The following SDR42E2 variants were observed in gnomAD, a reference collection of about 807,000 sequenced individuals.
SDR42E2 encodes the protein putative short-chain dehydrogenase/reductase family 42E member 2.
A neutral mutation model predicts 10.5 loss-of-function variants in SDR42E2; 20 were observed. The ratio of observed to expected loss-of-function variants is 1.90; its 90% CI spans 1.34 to 2.77. The LOEUF is 2.77. Ranked by LOEUF, SDR42E2 falls within the 30% of genes most tolerant of loss-of-function variation. The probability of loss-of-function intolerance (pLI) is 0.00; values close to 1 mark genes in which losing one functional copy is unlikely to be tolerated. For missense variants in SDR42E2, 162 were observed against 104.2 expected (o/e 1.55, Z -2.42); for synonymous variants, 72 against 39.2 (o/e 1.84, Z -3.12).
At chr16:22,176,519 T>C (rs1376393885) in intron 7 of SDR42E2, among the ~76,000 whole-genome samples, 3 of 152,190 alleles carry the variant, frequency 2.0e-5, no homozygotes, top group Admixed American at 6.5e-5. Flanking sequence ...GCAATAAAAA[T>C]AAAAGAAAAA....
intron 7 of SDR42E2, among the ~76,000 whole-genome samples, chr16:22,174,617 C>T (rs191179007): frequency 4.7e-4 from 68 of 144,524 alleles, no homozygotes; most frequent in Non-Finnish European, 7.0e-4. Context: ...GTAGAAATAT[C>T]CAGCTGTTCT....
intron 4 of SDR42E2, among the ~76,000 whole-genome samples, chr16:22,168,696 A>G (rs2046567318): frequency 6.6e-6 from 1 of 151,826 alleles, no homozygotes; most frequent in Non-Finnish European, 1.5e-5. Flanking sequence ...AACATGATGA[A>G]ACCCCATCTC....
chr16:22,170,165 A>G (rs1241768233), intron 5 of SDR42E2, among the ~76,000 whole-genome samples: 1 of 151,826 alleles, frequency 6.6e-6, no homozygotes, highest in African/African-American at 2.4e-5. Context: ...GGCTAGACTG[A>G]CCAACACGAA....
intron 8 of SDR42E2, among the ~76,000 whole-genome samples, chr16:22,180,138 G>T (rs2046680584): frequency 6.6e-6 from 1 of 152,150 alleles, no homozygotes; most frequent in South Asian, 2.1e-4. Context: ...AGATCAGGAA[G>T]GGTTTGACAG....
At chr16:22,174,761 C>T (rs1406040001) in intron 7 of SDR42E2, among the ~76,000 whole-genome samples, 2 of 152,124 alleles carry the variant, frequency 1.3e-5, no homozygotes, top group African/African-American at 2.4e-5. Context: ...CTGCAGCTTT[C>T]CATGGTCAGG....
intron 4 of SDR42E2, among the ~76,000 whole-genome samples, 187 bp downstream of exon 4, chr16:22,167,186 T>G (rs1256066434): frequency 4.1e-4 from 53 of 128,016 alleles, no homozygotes; most frequent in South Asian, 8.4e-4. Context: ...TTTTTTTTTT[T>G]TTTTTTTTTT....
rs764049116 is a variant in SDR42E2, at chr16:22,178,154, T to C, written c.614T>C (p.Val205Ala). The stretch of plus-strand genomic sequence containing the variant: ...GGAGGAGGCACTCTTCGGACGTGTG[T>C]GCTCCGGCCTCCAGGGATCTACGGC... Reference protein sequence around the residue: ...LPGGGTLRTCVLRPPGIYGPE... With the variant: ...LPGGGTLRTCALRPPGIYGPE... The change falls in exon 8 of 13, where the codon GTG becomes GCG. Residue 205 changes from valine (V) to alanine (A), a missense_variant. Coordinates refer to ENST00000602312, the MANE Select transcript of SDR42E2 (RefSeq NM_001394319.2). 5.7e-6 allele frequency: 4 copies of C among 702,766 alleles called. No homozygotes were observed. Among genetic ancestry groups the C allele is most frequent in the Non-Finnish European group, 1.0e-5 (4 of 384,960 alleles). The allele number at this position is 702,766 out of a possible 1,614,324, so 43.5% of individuals were successfully genotyped here.
chr16:22,169,356 C>A lies in SDR42E2; in HGVS notation c.337-89C>A, dbSNP rs1435272625. The A allele has an allele frequency of 7.2e-6, 5 of 698,894 alleles. No individual in the cohort carries two copies. The East Asian group carries it at 1.3e-4, about 19-fold the overall frequency. 43.3% of individuals were successfully genotyped at this position (698,894 alleles called of 1,614,324 possible). On this transcript the variant is annotated intron_variant, in intron 4 of 12. Transcript: ENST00000602312. ...CCTCTGAACTGAACATCCTGCTGCC[C>A]TGTCCCACCTGACCCCAAGCTCAGC...
In SDR42E2 at chr16:22,191,266, C is replaced by T. The variant is rs1421593499; in HGVS notation, c.*873C>T. ...CGCGCTTGAGCCCACCCTTTGGCTT[C>T]TCCTTTTGGGTCTGTCCTTGCTCCT... On this transcript the variant is annotated 3_prime_UTR_variant, in exon 13 of 13. Transcript: ENST00000602312. The T allele has an allele frequency of 1.3e-5, 2 of 152,224 alleles. No individual in the cohort carries two copies. The highest frequency in any genetic ancestry group is 6.6e-5 in the Admixed American group (1 of 15,190). The allele number at this position is 152,224 out of a possible 1,614,324, so 9.4% of individuals were successfully genotyped here.
Position 22,190,544 on chromosome 16 carries a change from T to C in SDR42E2, c.*151T>C. ...AATCCTGGTCACGCCCCCGAGCCGC[T>C]CTCCAGACCTAGCCCGGACCGCCGA... On this transcript the variant is annotated 3_prime_UTR_variant, in exon 13 of 13. Transcript: ENST00000602312. The C allele has an allele frequency of 5.0e-6, 2 of 396,150 alleles. No individual in the cohort carries two copies. The highest frequency in any genetic ancestry group is 8.9e-6 in the Non-Finnish European group (2 of 225,676). 24.5% of individuals were successfully genotyped at this position (396,150 alleles called of 1,614,324 possible).
rs550906269 is a variant in SDR42E2 at position 22,173,859 on chromosome 16, A to G, written c.589+1528A>G. Among the ~76,000 whole-genome samples, 21 of 146,558 alleles carry G rather than the reference A, an allele frequency of 1.4e-4. No individual in the cohort carries two copies. The South Asian group carries it at 4.2e-3, about 29-fold the overall frequency. On this transcript the variant is annotated intron_variant, in intron 7 of 12. Coordinates refer to ENST00000602312, the MANE Select transcript of SDR42E2 (RefSeq NM_001394319.2). Reference sequence around the variant, plus strand: ...GAACATGGCAAAACCATGTCTGTACAAAATATATATATATGTATATGGGCT... The same window carrying G: ...GAACATGGCAAAACCATGTCTGTACGAAATATATATATATGTATATGGGCT...
chr16:22,183,896 A>C (rs1264421428), intron 10 of SDR42E2, among the ~76,000 whole-genome samples: 1 of 150,712 alleles, frequency 6.6e-6, no homozygotes, highest in Non-Finnish European at 1.5e-5. Context: ...GGAGTTCAAG[A>C]CCAGCCTGAG....
At chr16:22,182,548 A>G (rs1051084199) in intron 10 of SDR42E2, among the ~76,000 whole-genome samples, 38 of 152,028 alleles carry the variant, frequency 2.5e-4, no homozygotes, top group Non-Finnish European at 7.4e-5. Flanking sequence ...GGGTTTCACC[A>G]TGTTTGCCAG....
chr16:22,177,232 A>G (rs1409090784), intron 7 of SDR42E2, among the ~76,000 whole-genome samples: 1 of 152,152 alleles, frequency 6.6e-6, no homozygotes, highest in Non-Finnish European at 1.5e-5. Context: ...AGGAACATAG[A>G]AGGACCTCTC....
At chr16:22,186,860 C>T (rs2046740318) in intron 12 of SDR42E2, 66 bp downstream of exon 12, 1 of 398,790 alleles carries the variant, frequency 2.5e-6, no homozygotes, top group South Asian at 1.3e-4. Flanking sequence ...CCTCTCCCCA[C>T]CATCCCCACT....
At chr16:22,176,373 T>C (rs995476924) in intron 7 of SDR42E2, among the ~76,000 whole-genome samples, 1 of 152,204 alleles carries the variant, frequency 6.6e-6, no homozygotes, top group Non-Finnish European at 1.5e-5. Flanking sequence ...AATGTATTAA[T>C]AGATATGCTC....
intron 10 of SDR42E2, among the ~76,000 whole-genome samples, chr16:22,182,503 C>T (rs900414867): frequency 2.0e-5 from 3 of 152,030 alleles, no homozygotes; most frequent in African/African-American, 4.8e-5. Flanking sequence ...CACGCCACCA[C>T]GCCCAGTTAA....
intron 8 of SDR42E2, among the ~76,000 whole-genome samples, chr16:22,180,678 A>G (rs1190537265): frequency 1.3e-5 from 2 of 152,270 alleles, no homozygotes; most frequent in East Asian, 3.9e-4. Flanking sequence ...TGTGGGCAAC[A>G]GAGCCCGACC....
intron 10 of SDR42E2, 53 bp downstream of exon 10, chr16:22,182,330 C>T (rs2046702424): frequency 5.0e-6 from 2 of 400,362 alleles, no homozygotes; most frequent in Admixed American, 4.5e-5. Context: ...GATCCCTGAC[C>T]TTCTCTTCCT....
Sources: gnomAD v4.1 joint callset for allele counts (sites outside exome capture counted in the v4.1 genomes callset) on GRCh38, gnomAD v4.1.1 for gene constraint, MANE v1.5 for transcripts, NCBI Gene and HGNC (gene_info 2026-07-23, HGNC 2026-07-21) for gene names.